Variants in SOD2 observed in about 807,000 individuals in gnomAD.
SOD2 encodes the protein superoxide dismutase [Mn], mitochondrial.
A neutral mutation model predicts 27.0 loss-of-function variants in SOD2; 11 were observed. The observed-to-expected ratio is 0.41, with a 90% confidence interval of 0.26 to 0.67. The LOEUF (loss-of-function observed/expected upper bound fraction) is 0.67. SOD2 is among the 30% of genes least tolerant of loss of function. The probability of loss-of-function intolerance (pLI) is 0.34; values close to 1 mark genes in which losing one functional copy is unlikely to be tolerated. For missense variants in SOD2, 250 were observed against 274.5 expected, an observed-to-expected ratio of 0.91 and a Z score of 0.63; for synonymous variants, 105 against 103.0, an observed-to-expected ratio of 1.02 and a Z score of -0.12.
At chr6:159,706,860 A>G in intron 1 of SOD2, among the ~76,000 whole-genome samples, 1 of 152,216 alleles carries the variant, frequency 6.6e-6, no homozygotes, top group Non-Finnish European at 1.5e-5. Context: ...CTGACCACAT[A>G]GTTGGAAGTA....
At chr6:159,737,665 A>AT (rs1236691593) in intron 1 of SOD2, among the ~76,000 whole-genome samples, 4 of 150,438 alleles carry the variant, frequency 2.7e-5, no homozygotes. Flanking sequence ...TAATTTTTGT[A>AT]TTTTTTGGTA....
intron 1 of SOD2, among the ~76,000 whole-genome samples, chr6:159,723,565 G>A (rs1435129266): frequency 2.0e-5 from 3 of 152,184 alleles, no homozygotes; most frequent in East Asian, 3.8e-4. Context: ...TAGAAACCAA[G>A]ATCTCAGTGT....
chr6:159,700,052 C>G (rs13212047), intron 1 of SOD2, among the ~76,000 whole-genome samples: 1 of 152,120 alleles, frequency 6.6e-6, no homozygotes, highest in Non-Finnish European at 1.5e-5. Context: ...TAGATAAAAT[C>G]GCATAAAATA....
chr6:159,736,483 AT>A, intron 1 of SOD2: 1 of 444,202 alleles, frequency 2.3e-6, no homozygotes, highest in Non-Finnish European at 4.0e-6. Context: ...TATCCAGTAT[AT>A]TTTTTAGAAT....
rs4038770 is a variant in SOD2 at position 159,757,419 on chromosome 6, C to CTT, written c.-336+3616_-336+3617dup. Reference sequence around the variant, plus strand: ...AACCTTTTCTTTTTTTTCTTTTTCTCTTTTTTTTTTTTGCCGAGAGTCTCG... The same window carrying CTT: ...AACCTTTTCTTTTTTTTCTTTTTCTCTTTTTTTTTTTTTTGCCGAGAGTCTCG... On this transcript the variant is annotated intron_variant, in intron 1 of 7. Transcript: ENST00000546087. Among the ~76,000 whole-genome samples the CTT allele has an allele frequency of 3.0e-3, 429 of 143,466 alleles. 2 individuals carry two copies. The highest frequency in any genetic ancestry group is 0.011 in the Middle Eastern group (3 of 274). The allele number at this position is 143,466 out of a possible 152,430, so 94.1% of individuals were successfully genotyped here.
chr6:159,716,274 C>T (rs546512828), intron 1 of SOD2, among the ~76,000 whole-genome samples: 1 of 152,236 alleles, frequency 6.6e-6, no homozygotes, highest in Non-Finnish European at 1.5e-5. Context: ...ACTGGCAGTC[C>T]CTTGGTGAGT....
At chr6:159,750,484 A>G (rs1179912985) in intron 1 of SOD2, among the ~76,000 whole-genome samples, 2 of 152,228 alleles carry the variant, frequency 1.3e-5, no homozygotes, top group African/African-American at 4.8e-5. Flanking sequence ...TGACATCCTC[A>G]TTCTCTTCTC....
At chr6:159,761,123 T>C in exon 1 of SOD2, 1 of 160,456 alleles carries the variant, frequency 6.2e-6, no homozygotes, top group Non-Finnish European at 1.4e-5. Context: ...CAATCAACTT[T>C]AAAGTTCTTC....
intron 3 of SOD2, among the ~76,000 whole-genome samples, chr6:159,686,482 C>T (rs1029411650): frequency 1.3e-5 from 2 of 151,938 alleles, no homozygotes; most frequent in African/African-American, 4.8e-5. Flanking sequence ...CTCCTCTCTA[C>T]TAAAAATACA....
intron 1 of SOD2, chr6:159,753,668 A>C: frequency 4.5e-6 from 7 of 1,548,192 alleles, no homozygotes; most frequent in South Asian, 1.2e-5. Flanking sequence ...TTGGCTTTTT[A>C]AAACTGCCAG....
chr6:159,693,336 C>A (rs967118325), upstream of SOD2: 4 of 292,130 alleles, frequency 1.4e-5, no homozygotes, highest in African/African-American at 2.3e-5. Context: ...CCGCCCCCCC[C>A]CCCCGCGGGC....
At chr6:159,734,719 C>T (rs977247494) in intron 1 of SOD2, among the ~76,000 whole-genome samples, 5 of 152,124 alleles carry the variant, frequency 3.3e-5, no homozygotes, top group African/African-American at 1.2e-4. Context: ...TATGAATATG[C>T]CAAATGCAAT....
At chr6:159,712,340 A>G (rs1280704350) in intron 1 of SOD2, among the ~76,000 whole-genome samples, 91 of 127,542 alleles carry the variant, frequency 7.1e-4, no homozygotes, top group African/African-American at 1.5e-3. Context: ...CACCCTAACC[A>G]CCTCCATAAC....
At position 159,710,894 on chromosome 6, in the gene SOD2, G is replaced by A. The variant is rs373793537; in HGVS notation, c.-116+16235C>T. On this transcript the variant is annotated intron_variant, in intron 1 of 2. Transcript: ENST00000401980. ...CTGCTCTGACCTCCATAACCGCCTCGACAACCACCACTTACATTGCTCTGA... is the reference window on the plus strand; with the variant it reads ...CTGCTCTGACCTCCATAACCGCCTCAACAACCACCACTTACATTGCTCTGA... 1.9e-4 allele frequency among the ~76,000 whole-genome samples: 18 copies of A among 93,948 alleles called. 1 individual carries two copies. In the South Asian group the frequency reaches 2.4e-3, roughly 12 times the overall value. 61.6% of individuals were successfully genotyped at this position (93,948 alleles called of 152,430 possible). A position where few individuals can be genotyped will look rare whatever the true frequency, so the allele number is the denominator to read the frequency against.
At chr6:159,692,256 C>A (rs1777236735) in intron 2 of SOD2, 1 of 516,542 alleles carries the variant, frequency 1.9e-6, no homozygotes, top group Non-Finnish European at 3.0e-6. Flanking sequence ...GGCTGGCACA[C>A]CTACCTGAGA....
At chr6:159,692,526 C>G in intron 2 of SOD2, 135 bp downstream of exon 2, 1 of 1,483,054 alleles carries the variant, frequency 6.7e-7, no homozygotes, top group South Asian at 1.4e-5. Context: ...GAGAGACTAT[C>G]GTGCCTGGAA....
intron 1 of SOD2, among the ~76,000 whole-genome samples, chr6:159,711,923 A>G (rs202061357): frequency 1.2e-4 from 15 of 123,296 alleles, no homozygotes; most frequent in Admixed American, 4.0e-4. Context: ...CACCATAACC[A>G]CCTCCACAAC....
upstream of SOD2, chr6:159,748,568 T>C: frequency 7.4e-7 from 1 of 1,360,026 alleles, no homozygotes; most frequent in Non-Finnish European, 9.5e-7. This position sits in a 1 kb window ranked among gnomAD's most constrained non-coding sequence, Gnocchi z 5.6. Context: ...GCTTTTTTCT[T>C]TTCCCCTTCC....
chr6:159,732,456 G>A (rs1195869865), intron 1 of SOD2, among the ~76,000 whole-genome samples: 2 of 152,158 alleles, frequency 1.3e-5, no homozygotes, highest in African/African-American at 2.4e-5. Context: ...TTTTATGTTC[G>A]TATATACATA....
Sources: gnomAD v4.1 joint callset for allele counts (sites outside exome capture counted in the v4.1 genomes callset) on GRCh38, gnomAD v4.1.1 for gene constraint, Gnocchi (gnomAD v3.1) non-coding constraint, MANE v1.5 for transcripts, NCBI Gene and HGNC (gene_info 2026-07-23, HGNC 2026-07-21) for gene names.